Variants in P2RX5 observed in about 807,000 individuals in gnomAD.
P2RX5 encodes purinergic receptor P2X 5, also known as P2X purinoceptor 5.
In P2RX5, 46 loss-of-function variants were observed where a neutral mutation model predicts 54.1. The ratio of observed to expected loss-of-function variants is 0.85; its 90% confidence interval spans 0.67 to 1.09. P2RX5 has a LOEUF of 1.09. P2RX5 is among the 50% of genes least tolerant of loss of function. The pLI is 0.00. For synonymous variants in P2RX5, 226 were observed against 226.4 expected (o/e 1.00, Z 0.02); for missense variants, 566 against 549.8 (o/e 1.03, Z -0.29).
At chr17:3,689,417 C>T (rs2050538940) in intron 7 of P2RX5, 75 bp downstream of exon 7, 11 of 1,569,426 alleles carry the variant, frequency 7.0e-6, no homozygotes, top group South Asian at 2.2e-5. Context: ...TCCCCGTCCA[C>T]ACCCTCCTCG....
upstream of P2RX5, among the ~76,000 whole-genome samples, chr17:3,699,968 AAGAAAGAAAATT>A (rs2050807638): frequency 7.2e-6 from 1 of 138,186 alleles, no homozygotes; most frequent in Non-Finnish European, 1.6e-5. Flanking sequence ...GAAAGAAAGA[AAGAAAGAAAATT>A]AGTGTATTTA....
At chr17:3,699,095 C>CACACACACACACACACA (rs60173844), upstream of P2RX5, among the ~76,000 whole-genome samples, 280 of 100,240 alleles carry the variant, frequency 2.8e-3, 5 homozygotes, top group Middle Eastern at 4.9e-3. Context: ...ACACACACAC[C>CACACACACACACACACA]TATATATATA....
intron 11 of P2RX5, 37 bp downstream of exon 11, chr17:3,679,553 C>T (rs758286748): frequency 1.3e-6 from 2 of 1,593,348 alleles, no homozygotes; most frequent in South Asian, 1.1e-5. Flanking sequence ...CTCTGCAGGA[C>T]CCAGCTGTCG....
At chr17:3,692,194 G>C (rs932051305) in intron 1 of P2RX5, among the ~76,000 whole-genome samples, 6 of 151,692 alleles carry the variant, frequency 4.0e-5, no homozygotes, top group Non-Finnish European at 8.8e-5. Flanking sequence ...GTGGGCGCCT[G>C]TAGTCCCAGC....
chr17:3,688,400 T>G (rs1455137835), intron 8 of P2RX5, among the ~76,000 whole-genome samples: 1 of 152,192 alleles, frequency 6.6e-6, no homozygotes, highest in Non-Finnish European at 1.5e-5. Context: ...AGACTCGGCT[T>G]CACGGAGAGA....
chr17:3,706,795 G>A, the P2RX5 span, among the ~76,000 whole-genome samples: 2 of 152,104 alleles, frequency 1.3e-5, no homozygotes, highest in Non-Finnish European at 2.9e-5. Flanking sequence ...TATTCTTAGT[G>A]GAGACGGGTT....
At chr17:3,712,977 A>G in the P2RX5 span, among the ~76,000 whole-genome samples, 2 of 152,186 alleles carry the variant, frequency 1.3e-5, no homozygotes. Flanking sequence ...TAAAATGGCC[A>G]GATAAGATAA....
the P2RX5 span, chr17:3,717,886 A>AG: frequency 6.6e-6 from 1 of 152,310 alleles, no homozygotes; most frequent in African/African-American, 2.4e-5. Context: ...CAGGAGAAGG[A>AG]GGGGGACTCA....
Position 3,678,745 on chromosome 17 carries a change from G to A in P2RX5, c.1259+845C>T, listed in dbSNP as rs4790533. Among the ~76,000 whole-genome samples the A allele has an allele frequency of 3.0e-3, 455 of 152,344 alleles. 9 individuals are homozygous for A. The highest frequency in any genetic ancestry group is 0.024 in the Admixed American group (365 of 15,300). The stretch of plus-strand genomic sequence containing the variant: ...CAAGGTCAGTGAGTACCTGGGGTGT[G>A]GTTTGCAAGAGAGTCACAGAACCCC... On this transcript the variant is annotated intron_variant, in intron 11 of 11. Coordinates refer to ENST00000225328, the MANE Select transcript of P2RX5 (RefSeq NM_002561.4).
At chr17:3,713,286 A>G in the P2RX5 span, among the ~76,000 whole-genome samples, 1 of 151,844 alleles carries the variant, frequency 6.6e-6, no homozygotes, top group Non-Finnish European at 1.5e-5. Flanking sequence ...CTTGAACCCA[A>G]AAGTTCAAGG....
the P2RX5 span, among the ~76,000 whole-genome samples, chr17:3,709,635 G>T: frequency 7.5e-4 from 114 of 152,270 alleles, 1 homozygote; most frequent in Admixed American, 2.1e-3. Context: ...TTAATAGCCA[G>T]GTGCAGTGGA....
At chr17:3,695,792 G>A in intron 1 of P2RX5, 77 bp downstream of exon 1, 1 of 1,571,640 alleles carries the variant, frequency 6.4e-7, no homozygotes, top group East Asian at 2.2e-5. Flanking sequence ...CGAATTCCAG[G>A]ACCCTGGAGA....
intron 9 of P2RX5, among the ~76,000 whole-genome samples, chr17:3,684,524 C>T (rs1405749202): frequency 6.6e-6 from 1 of 152,156 alleles, no homozygotes; most frequent in African/African-American, 2.4e-5. Flanking sequence ...ATCGCTTGAG[C>T]CCAGGAGTTC....
chr17:3,675,062 C>T (rs536888149), intron 11 of P2RX5, among the ~76,000 whole-genome samples: 7 of 152,166 alleles, frequency 4.6e-5, no homozygotes, highest in Non-Finnish European at 1.0e-4. Context: ...TTTCTAGAGA[C>T]GGAGTCTCGC....
upstream of P2RX5, among the ~76,000 whole-genome samples, chr17:3,699,978 A>G (rs200394189): frequency 7.4e-6 from 1 of 135,598 alleles, no homozygotes; most frequent in Non-Finnish European, 1.7e-5. Context: ...AAGAAAGAAA[A>G]TTAGTGTATT....
chr17:3,693,520 G>C (rs1031696090), intron 1 of P2RX5, among the ~76,000 whole-genome samples: 16 of 152,202 alleles, frequency 1.1e-4, no homozygotes, highest in African/African-American at 3.9e-4. Context: ...TGGATCACCT[G>C]AGGTCAGGAG....
intron 9 of P2RX5, chr17:3,682,191 G>C: frequency 1.7e-6 from 1 of 600,588 alleles, no homozygotes; most frequent in South Asian, 1.8e-5. Context: ...GAGCTCCCCC[G>C]ATCCCACAGG....
chr17:3,681,441 G>A (rs1204404634), intron 10 of P2RX5, among the ~76,000 whole-genome samples: 2 of 152,076 alleles, frequency 1.3e-5, no homozygotes, highest in Non-Finnish European at 2.9e-5. Flanking sequence ...CGAACCCAGG[G>A]CCCAGGAAAC....
At chr17:3,675,978 C>T in intron 11 of P2RX5, 1 of 985,416 alleles carries the variant, frequency 1.0e-6, no homozygotes, top group Non-Finnish European at 1.2e-6. Flanking sequence ...CCCTGGGCCC[C>T]TGACATCCCT....
Sources: allele counts gnomAD v4.1 joint callset (sites outside exome capture counted in the v4.1 genomes callset), GRCh38; gene constraint gnomAD v4.1.1; transcripts MANE v1.5; gene names NCBI Gene and HGNC (gene_info 2026-07-23, HGNC 2026-07-21).